The following EXOC4 variants were observed in gnomAD, a reference collection of about 807,000 sequenced individuals.
EXOC4 encodes the protein exocyst complex component 4, also known as SEC8-like 1.
A neutral mutation model predicts 107.2 loss-of-function variants in EXOC4; 71 were observed. The observed-to-expected ratio is 0.66, with a 90% CI of 0.55 to 0.81. EXOC4 has a LOEUF of 0.81. Among genes scored for constraint, EXOC4 ranks in the 30% least tolerant of loss-of-function variants. The pLI, the probability that EXOC4 is intolerant of heterozygous loss-of-function variation, is 0.00. For missense variants in EXOC4, 1,108 were observed against 1,189.6 expected (o/e 0.93, Z 1.01); for synonymous variants, 456 against 441.2 (o/e 1.03, Z -0.42).
At chr7:133,532,895 T>C (rs1321726011) in intron 9 of EXOC4, among the ~76,000 whole-genome samples, 1 of 152,048 alleles carries the variant, frequency 6.6e-6, no homozygotes, top group Non-Finnish European at 1.5e-5. Context: ...CTATAGGTGG[T>C]TTGAGTTTAA....
intron 10 of EXOC4, among the ~76,000 whole-genome samples, chr7:133,676,659 A>G (rs2345944): frequency 0.42 from 64,435 of 151,862 alleles, 14,085 homozygotes; most frequent in South Asian, 0.51. Flanking sequence ...TTTATCAGCT[A>G]CCACCCTATC....
chr7:133,289,304 A>G (rs1794352767), intron 3 of EXOC4, among the ~76,000 whole-genome samples, 188 bp downstream of exon 3: 1 of 152,224 alleles, frequency 6.6e-6, no homozygotes, highest in Non-Finnish European at 1.5e-5. Flanking sequence ...ATTATTATTT[A>G]TGTATTATCT....
chr7:133,567,231 A>T (rs1027688658), intron 9 of EXOC4, among the ~76,000 whole-genome samples: 16 of 151,860 alleles, frequency 1.1e-4, no homozygotes, highest in African/African-American at 3.4e-4. Flanking sequence ...CATTCTAGAA[A>T]TTTTTTGGCA....
chr7:134,062,109 A>G (rs888627135), intron 17 of EXOC4, among the ~76,000 whole-genome samples: 1 of 152,170 alleles, frequency 6.6e-6, no homozygotes, highest in Non-Finnish European at 1.5e-5. Context: ...GTTTAAAACC[A>G]CTATAGAAAA....
intron 4 of EXOC4, among the ~76,000 whole-genome samples, chr7:133,307,776 C>T (rs552737297): frequency 2.0e-5 from 3 of 152,304 alleles, no homozygotes; most frequent in East Asian, 1.9e-4. Flanking sequence ...TGTGGCCTTT[C>T]GTGCCACTGC....
chr7:133,988,683 G>C (rs1033725475), intron 14 of EXOC4, among the ~76,000 whole-genome samples: 2 of 152,126 alleles, frequency 1.3e-5, no homozygotes, highest in Non-Finnish European at 2.9e-5. Flanking sequence ...GAATAGTTTT[G>C]AAAGAGGAGT....
chr7:133,984,356 GTTC>G (rs755290578), intron 14 of EXOC4, among the ~76,000 whole-genome samples: 1 of 152,056 alleles, frequency 6.6e-6, no homozygotes, highest in Non-Finnish European at 1.5e-5. Flanking sequence ...AATCTCCTTT[GTTC>G]TTTCTATATA....
At chr7:133,999,131 G>A (rs1458680820) in intron 15 of EXOC4, among the ~76,000 whole-genome samples, 1 of 152,182 alleles carries the variant, frequency 6.6e-6, no homozygotes, top group Admixed American at 6.5e-5. Context: ...GGATCAGAAA[G>A]TGCATGGTGT....
chr7:133,842,227 A>C (rs1798037861), intron 11 of EXOC4, among the ~76,000 whole-genome samples: 1 of 152,242 alleles, frequency 6.6e-6, no homozygotes, highest in African/African-American at 2.4e-5. Context: ...AGAAATCCTC[A>C]AACTGTTTTC....
At chr7:133,639,175 G>A (rs1043347277) in intron 10 of EXOC4, among the ~76,000 whole-genome samples, 4 of 152,072 alleles carry the variant, frequency 2.6e-5, no homozygotes, top group Non-Finnish European at 4.4e-5. Context: ...CTTTAATAAC[G>A]TATATTCCTT....
intron 12 of EXOC4, among the ~76,000 whole-genome samples, chr7:133,898,778 G>A (rs1799382426): frequency 1.4e-5 from 2 of 140,572 alleles, no homozygotes; most frequent in South Asian, 4.6e-4. Context: ...AAGAGTTCGA[G>A]ACCAGCCTGG....
intron 7 of EXOC4, among the ~76,000 whole-genome samples, chr7:133,410,981 A>G (rs980115029): frequency 3.9e-5 from 6 of 152,166 alleles, no homozygotes; most frequent in Admixed American, 2.6e-4. Context: ...AATATGGACC[A>G]TTTAAATTGT....
At chr7:133,971,792 C>T (rs192245856) in intron 14 of EXOC4, among the ~76,000 whole-genome samples, 82 of 152,276 alleles carry the variant, frequency 5.4e-4, no homozygotes, top group African/African-American at 1.9e-3. Context: ...GTTTAGCTGA[C>T]TCTTTATCAC....
intron 10 of EXOC4, among the ~76,000 whole-genome samples, chr7:133,724,463 AT>A (rs1795174188): frequency 6.6e-6 from 1 of 152,150 alleles, no homozygotes; most frequent in South Asian, 2.1e-4. Context: ...AATATTTTTT[AT>A]TTTTTTCAAC....
chr7:133,319,694 T>C (rs953804250), intron 5 of EXOC4, among the ~76,000 whole-genome samples: 2 of 152,126 alleles, frequency 1.3e-5, no homozygotes, highest in Admixed American at 1.3e-4. Context: ...TCAGCTGGGC[T>C]GGTCTCAAAC....
At position 133,524,288 on chromosome 7, in the gene EXOC4, G is replaced by GTTGT. The variant is rs557535459; in HGVS notation, c.1417+44153_1417+44156dup. On this transcript the variant is annotated intron_variant, in intron 9 of 17. Coordinates refer to ENST00000253861, the MANE Select transcript of EXOC4 (RefSeq NM_021807.4). ...TATCCTTTGCCCACTTTTTGATGGGGTTGTTTTTTTCTTGTAAATTTGTTT... is the reference window on the plus strand; with the variant it reads ...TATCCTTTGCCCACTTTTTGATGGGGTTGTTTGTTTTTTTCTTGTAAATTTGTTT... 7.4e-3 allele frequency among the ~76,000 whole-genome samples: 3 copies of GTTGT among 406 alleles called. 1 individual carries two copies. The highest frequency in any genetic ancestry group is 0.33 in the Non-Finnish European group (2 of 6). The allele number at this position is 406 out of a possible 152,430, so 0.3% of individuals were successfully genotyped here.
intron 7 of EXOC4, among the ~76,000 whole-genome samples, chr7:133,412,470 G>A (rs1042209622): frequency 1.3e-5 from 2 of 151,826 alleles, no homozygotes; most frequent in Non-Finnish European, 2.9e-5. Flanking sequence ...GGTATAAAGT[G>A]TTGTGTTTTT....
At chr7:133,344,838 C>A (rs1795749052) in intron 5 of EXOC4, among the ~76,000 whole-genome samples, 1 of 152,162 alleles carries the variant, frequency 6.6e-6, no homozygotes, top group East Asian at 1.9e-4. Context: ...TAGTTTTTCA[C>A]ATTCTACCTT....
chr7:133,902,681 C>T lies in EXOC4; in HGVS notation c.1871+6946C>T, dbSNP rs1043610342. ...CATCATGGCCAACATGGTGAAACCC[C>T]GTCTCTACTAAAAACGCCAAAAAAT... On this transcript the variant is annotated intron_variant, in intron 12 of 17. Coordinates refer to ENST00000253861, the MANE Select transcript of EXOC4 (RefSeq NM_021807.4). Among the ~76,000 whole-genome samples, 27 of 152,008 alleles carry T rather than the reference C, an allele frequency of 1.8e-4. 1 individual carries two copies. Among genetic ancestry groups the T allele is most frequent in the African/African-American group, 6.3e-4 (26 of 41,388 alleles).
Sources: allele counts gnomAD v4.1 joint callset (sites outside exome capture counted in the v4.1 genomes callset), GRCh38; gene constraint gnomAD v4.1.1; transcripts MANE v1.5; gene names NCBI Gene and HGNC (gene_info 2026-07-23, HGNC 2026-07-21).